The following METTL15 variants were observed in gnomAD, a reference collection of about 807,000 sequenced individuals.
METTL15 encodes the protein methyltransferase 15, mitochondrial 12S rRNA N4-cytidine.
A neutral mutation model predicts 38.3 loss-of-function variants in METTL15; 34 were observed. That is an observed-to-expected ratio of 0.89 (90% CI 0.68 to 1.18). METTL15 has a LOEUF of 1.18. Ranked by LOEUF, METTL15 falls within the 50% of genes most tolerant of loss-of-function variation. The probability of loss-of-function intolerance (pLI) is 0.00; values close to 1 mark genes in which losing one functional copy is unlikely to be tolerated. For missense variants in METTL15, 438 were observed against 498.4 expected, an observed-to-expected ratio of 0.88 and a Z score of 1.15; for synonymous variants, 162 against 170.9, an observed-to-expected ratio of 0.95 and a Z score of 0.41.
chr11:28,248,247 A>G (rs538614320), intron 4 of METTL15, among the ~76,000 whole-genome samples: 1 of 152,188 alleles, frequency 6.6e-6, no homozygotes, highest in East Asian at 1.9e-4. Flanking sequence ...AGACCTCCTC[A>G]TATTTCCACT....
chr11:28,362,837 C>A (rs1312225424), intron 5 of METTL15, among the ~76,000 whole-genome samples: 2 of 152,158 alleles, frequency 1.3e-5, no homozygotes, highest in Non-Finnish European at 2.9e-5. Context: ...CATGTGGGTG[C>A]ATGTGTCTTC....
intron 3 of METTL15, among the ~76,000 whole-genome samples, chr11:28,193,017 A>G (rs1256000370): frequency 1.3e-5 from 2 of 152,082 alleles, no homozygotes; most frequent in African/African-American, 4.8e-5. Flanking sequence ...GTCTGCTTAT[A>G]ATTAAAATCT....
intron 4 of METTL15, among the ~76,000 whole-genome samples, chr11:28,225,150 C>T (rs1853420888): frequency 1.3e-5 from 2 of 151,664 alleles, no homozygotes; most frequent in East Asian, 3.8e-4. Flanking sequence ...TCTTTAAATT[C>T]TATCTTGGGA....
chr11:28,491,829 A>T (rs895979914), intron 6 of METTL15, among the ~76,000 whole-genome samples: 16 of 152,158 alleles, frequency 1.1e-4, no homozygotes, highest in African/African-American at 3.6e-4. Flanking sequence ...AAAAGTATTT[A>T]CTATGTTATT....
At chr11:28,347,215 A>G (rs906322264) in intron 3 of METTL15, among the ~76,000 whole-genome samples, 1 of 152,234 alleles carries the variant, frequency 6.6e-6, no homozygotes, top group Non-Finnish European at 1.5e-5. Flanking sequence ...TTTGAAGTGC[A>G]GTCTTGTGTT....
At chr11:28,403,476 A>C (rs1280540868) in intron 5 of METTL15, among the ~76,000 whole-genome samples, 1 of 152,056 alleles carries the variant, frequency 6.6e-6, no homozygotes, top group Non-Finnish European at 1.5e-5. Flanking sequence ...AATGATGTTC[A>C]GAGGTGTATG....
chr11:28,363,196 C>G (rs1393325373), intron 5 of METTL15, among the ~76,000 whole-genome samples: 1 of 151,644 alleles, frequency 6.6e-6, no homozygotes, highest in South Asian at 2.1e-4. Flanking sequence ...TTTTTTGAGA[C>G]AGAGCCTCAC....
chr11:28,141,681 C>G (rs1036767507), intron 3 of METTL15, among the ~76,000 whole-genome samples: 2 of 151,960 alleles, frequency 1.3e-5, no homozygotes, highest in African/African-American at 4.8e-5. Context: ...CACTGAAACC[C>G]TGTATCAAAA....
At chr11:28,221,139 A>G (rs191570328) in intron 4 of METTL15, among the ~76,000 whole-genome samples, 45 of 152,304 alleles carry the variant, frequency 3.0e-4, no homozygotes, top group Admixed American at 2.5e-3. Context: ...TCTCCTGGAT[A>G]GTATCCTGCA....
intron 3 of METTL15, chr11:28,163,634 T>C: frequency 2.5e-6 from 1 of 393,898 alleles, no homozygotes. Flanking sequence ...AATAATGTTA[T>C]CTATTTAATT....
chr11:28,232,443 A>T (rs920670697), intron 4 of METTL15, among the ~76,000 whole-genome samples: 3 of 151,850 alleles, frequency 2.0e-5, no homozygotes, highest in African/African-American at 4.8e-5. Flanking sequence ...AATCTAAAAA[A>T]TTCATGTTTG....
chr11:28,283,437 T>C (rs1358102484), intron 4 of METTL15, among the ~76,000 whole-genome samples: 1 of 152,320 alleles, frequency 6.6e-6, no homozygotes, highest in Non-Finnish European at 1.5e-5. Flanking sequence ...CTGATTTTTA[T>C]AATTTGTGAA....
At chr11:28,210,589 A>G (rs1852591199) in intron 3 of METTL15, among the ~76,000 whole-genome samples, 1 of 151,596 alleles carries the variant, frequency 6.6e-6, no homozygotes, top group Admixed American at 6.6e-5. Context: ...GTGCTTATTT[A>G]TTATTAGGGA....
At chr11:28,302,075 AT>A (rs927234303) in intron 6 of METTL15, among the ~76,000 whole-genome samples, 3 of 151,794 alleles carry the variant, frequency 2.0e-5, no homozygotes, top group African/African-American at 7.3e-5. Flanking sequence ...CAGCAGGATA[AT>A]TTTTTTAATT....
chr11:28,342,388 G>A lies in METTL15; in HGVS notation c.*190-9702G>A, dbSNP rs541881766. On this transcript the variant is annotated intron_variant and NMD_transcript_variant, in intron 3 of 7. Coordinates refer to the METTL15 transcript ENST00000532947. ...AGTGGTCCTCCCATCTCGGCCTCCC[G>A]AGTAGCTGGGACCACAGGTGTGTGG... is the stretch of plus-strand genomic sequence containing the variant. Among the ~76,000 whole-genome samples the A allele has an allele frequency of 2.0e-5, 3 of 151,610 alleles. No homozygotes were observed. The East Asian group carries it at 5.8e-4, about 29-fold the overall frequency.
chr11:28,205,389 G>C (rs1852288294), intron 3 of METTL15, among the ~76,000 whole-genome samples: 1 of 151,868 alleles, frequency 6.6e-6, no homozygotes, highest in Non-Finnish European at 1.5e-5. Context: ...AGTTTACTGA[G>C]AATGATAATT....
intron 6 of METTL15, among the ~76,000 whole-genome samples, chr11:28,328,920 T>C (rs930949136): frequency 6.6e-6 from 1 of 152,128 alleles, no homozygotes; most frequent in African/African-American, 2.4e-5. Context: ...TGTCTTTCAT[T>C]TCTTGATGGT....
intron 4 of METTL15, among the ~76,000 whole-genome samples, chr11:28,275,620 C>T (rs1346867336): frequency 2.1e-5 from 3 of 144,288 alleles, no homozygotes; most frequent in African/African-American, 5.3e-5. Flanking sequence ...ATCACCCTGA[C>T]GTCAAAACCA....
chr11:28,352,540 A>G (rs565210430), intron 4 of METTL15, among the ~76,000 whole-genome samples: 2 of 152,292 alleles, frequency 1.3e-5, no homozygotes, highest in East Asian at 3.9e-4. Context: ...ATTTTTACAT[A>G]CTAAGTCAAA....
Sources: allele counts gnomAD v4.1 joint callset (sites outside exome capture counted in the v4.1 genomes callset), GRCh38; gene constraint gnomAD v4.1.1; transcripts MANE v1.5; gene names NCBI Gene and HGNC (gene_info 2026-07-23, HGNC 2026-07-21).